The following MAOA variants were observed in gnomAD, a reference collection of about 807,000 sequenced individuals.
MAOA encodes the protein monoamine oxidase A, also known as amine oxidase [flavin-containing] A.
A neutral mutation model predicts 42.0 loss-of-function variants in MAOA; 6 were observed. The ratio of observed to expected loss-of-function variants is 0.14; its 90% CI spans 0.08 to 0.28. MAOA has a LOEUF of 0.28. Ranked by LOEUF, MAOA falls within the 10% of genes least tolerant of loss-of-function variation. The probability of loss-of-function intolerance (pLI) is 1.00; values close to 1 mark genes in which losing one functional copy is unlikely to be tolerated. For missense variants in MAOA, 262 were observed against 422.3 expected (o/e 0.62, Z 3.33); for synonymous variants, 140 against 154.0 (o/e 0.91, Z 0.67).
Position 43,693,356 on chromosome X carries a change from A to G in MAOA, c.234A>G (p.Leu78=), listed in dbSNP as rs779434656. The change falls in exon 3 of 15, where the codon TTA becomes TTG. Residue 78 remains leucine (L), a synonymous_variant. Transcript: ENST00000338702. The stretch of plus-strand genomic sequence containing the variant: ...TGGGACCAACCCAAAACAGAATCTT[A>G]CGCTTGTCTAAGGAGCTGGGCATAG... The part of the protein sequence containing the change: ...AYVGPTQNRI[L]RLSKELGIET... 1 of 1,209,314 alleles carries G rather than the reference A, an allele frequency of 8.3e-7. No individual in the cohort carries two copies. Among genetic ancestry groups the G allele is most frequent in the East Asian group, 3.0e-5 (1 of 33,823 alleles).
intron 3 of MAOA, among the ~76,000 whole-genome samples, chrX:43,700,113 C>T (rs2033611214): frequency 8.9e-6 from 1 of 111,888 alleles, no homozygotes; most frequent in Non-Finnish European, 1.9e-5. Flanking sequence ...TTCATCCCTC[C>T]TGATGCCATG....
At position 43,715,934 on chromosome X, in the gene MAOA, G is replaced by A. The variant is rs187776516; in HGVS notation, c.503+3138G>A. ...CCAGAGGGTTTAGAAAGGTGTAGCAGGATGGTATCTTCCAGGAATGAGCCA... is the reference window on the plus strand; with the variant it reads ...CCAGAGGGTTTAGAAAGGTGTAGCAAGATGGTATCTTCCAGGAATGAGCCA... On this transcript the variant is annotated intron_variant, in intron 5 of 14. Transcript: ENST00000338702. Among the ~76,000 whole-genome samples the A allele has an allele frequency of 1.2e-3, 134 of 110,439 alleles. 1 individual carries two copies. The highest frequency in any genetic ancestry group is 4.3e-3 in the African/African-American group (131 of 30,299).
chrX:43,675,003 G>T (rs2033380167), intron 1 of MAOA, among the ~76,000 whole-genome samples: 1 of 111,921 alleles, frequency 8.9e-6, no homozygotes, highest in Admixed American at 9.4e-5. Flanking sequence ...TGCCTTGCTA[G>T]ATTGGGGAAG....
intron 1 of MAOA, among the ~76,000 whole-genome samples, chrX:43,672,461 C>G (rs2033346042): frequency 9.0e-6 from 1 of 111,054 alleles, no homozygotes; most frequent in Non-Finnish European, 1.9e-5. Context: ...ATTGCCCTGG[C>G]CAGAAATTCC....
At chrX:43,704,798 T>A (rs2065316933) in intron 3 of MAOA, among the ~76,000 whole-genome samples, 1 of 111,943 alleles carries the variant, frequency 8.9e-6, no homozygotes, top group African/African-American at 3.2e-5. Flanking sequence ...AAAATAAATT[T>A]TATTTCTAAT....
chrX:43,697,265 T>C (rs1426786116), intron 3 of MAOA, among the ~76,000 whole-genome samples: 1 of 112,268 alleles, frequency 8.9e-6, no homozygotes, highest in Middle Eastern at 4.2e-3. Flanking sequence ...GCCTTACAGT[T>C]TGTGCTTGTC....
intron 3 of MAOA, among the ~76,000 whole-genome samples, chrX:43,699,307 A>G (rs772153524): frequency 9.2e-6 from 1 of 108,481 alleles, no homozygotes; most frequent in Non-Finnish European, 1.9e-5. Flanking sequence ...CTTTTGTTAA[A>G]TTTTGCAATG....
intron 4 of MAOA, 63 bp from the exon 5 acceptor site, chrX:43,712,642 G>T: frequency 1.4e-6 from 1 of 726,592 alleles, no homozygotes; most frequent in South Asian, 2.2e-5. Context: ...TTTTCATGAG[G>T]GCCTTCCCGA....
rs778925480 is a variant in MAOA at position 43,744,212 on chromosome X, A to G, written c.1437+41A>G. ...CTGGGCACTATCTCTCCTTAGACCA[A>G]TCATGGAACATAAAACTCACATCTC... On this transcript the variant is annotated intron_variant, in intron 14 of 14. Transcript: ENST00000338702. 13 of 1,152,960 alleles carry G rather than the reference A, an allele frequency of 1.1e-5. No homozygotes were observed. The Admixed American group carries it at 2.9e-4, about 25-fold the overall frequency.
intron 5 of MAOA, among the ~76,000 whole-genome samples, chrX:43,716,180 A>G (rs981897124): frequency 9.0e-6 from 1 of 111,378 alleles, no homozygotes. Flanking sequence ...GTAAACAGGA[A>G]AGGTGGATGG....
rs192244580 is a variant in MAOA at position 43,715,238 on chromosome X, G to C, written c.503+2442G>C. 4.6e-5 allele frequency among the ~76,000 whole-genome samples: 5 copies of C among 109,739 alleles called. No homozygotes were observed. The East Asian group carries it at 8.7e-4, about 19-fold the overall frequency. ...GAATGAGCTACACTGGCAGTGGTAG[G>C]GGGGAGAAAGGAAGGGTGGATGGTG... On this transcript the variant is annotated intron_variant, in intron 5 of 14. Transcript: ENST00000338702.
rs149690945 is a variant in MAOA, at chrX:43,694,280, C to T, written c.306+852C>T. Among the ~76,000 whole-genome samples, 208 of 111,565 alleles carry T rather than the reference C, an allele frequency of 1.9e-3. 1 individual carries two copies. Among genetic ancestry groups the T allele is most frequent in the Non-Finnish European group, 1.9e-3 (101 of 53,112 alleles). On this transcript the variant is annotated intron_variant, in intron 3 of 14. Coordinates refer to ENST00000338702, the MANE Select transcript of MAOA (RefSeq NM_000240.4). ...ATACATCCCTTCCCCTACTCCACCT[C>T]GGGCAATAACTGTGGGTCCGGAGGC...
At chrX:43,678,146 G>T (rs1485976004) in intron 1 of MAOA, among the ~76,000 whole-genome samples, 1 of 111,523 alleles carries the variant, frequency 9.0e-6, no homozygotes, top group African/African-American at 3.3e-5. Flanking sequence ...TCTAAATGCT[G>T]TGAAACAGTC....
intron 1 of MAOA, among the ~76,000 whole-genome samples, chrX:43,667,865 A>G (rs1419998681): frequency 8.9e-6 from 1 of 112,015 alleles, no homozygotes; most frequent in African/African-American, 3.2e-5. Context: ...GGCCTATACT[A>G]TATACAGGGA....
chrX:43,697,488 G>T (rs1308013183), intron 3 of MAOA, among the ~76,000 whole-genome samples: 1 of 112,308 alleles, frequency 8.9e-6, no homozygotes, highest in African/African-American at 3.2e-5. Context: ...AGAAAATAAA[G>T]ATTGAAGCTC....
intron 3 of MAOA, among the ~76,000 whole-genome samples, chrX:43,702,105 G>A (rs769843442): frequency 8.9e-6 from 1 of 112,206 alleles, no homozygotes; most frequent in African/African-American, 3.2e-5. Context: ...ACTTCCTGAA[G>A]AAGGGAAATT....
chrX:43,703,945 G>A (rs1174508623), intron 3 of MAOA, among the ~76,000 whole-genome samples: 3 of 111,438 alleles, frequency 2.7e-5, no homozygotes, highest in Non-Finnish European at 3.8e-5. Context: ...AAAACTACTC[G>A]GGAATAAATA....
chrX:43,712,555 C>G (rs1161543148), intron 4 of MAOA, 150 bp from the exon 5 acceptor site: 1 of 489,185 alleles, frequency 2.0e-6, no homozygotes, highest in Non-Finnish European at 3.7e-6. Flanking sequence ...GAACTCTACC[C>G]CACTCCCTGT....
upstream of MAOA, chrX:43,656,179 A>T: frequency 2.1e-6 from 1 of 477,137 alleles, no homozygotes; most frequent in Non-Finnish European, 3.7e-6. Context: ...CCGGAGTATC[A>T]GCAAAAGGGT....
Sources: gnomAD v4.1 joint callset for allele counts (sites outside exome capture counted in the v4.1 genomes callset) on GRCh38, gnomAD v4.1.1 for gene constraint, MANE v1.5 for transcripts, NCBI Gene and HGNC (gene_info 2026-07-23, HGNC 2026-07-21) for gene names.